Variants in BEND5 observed in about 807,000 individuals in gnomAD.
The protein encoded by BEND5 is BEN domain containing 5.
A neutral mutation model predicts 43.9 loss-of-function variants in BEND5; 22 were observed. The ratio of observed to expected loss-of-function variants is 0.50; its 90% confidence interval spans 0.36 to 0.72. BEND5 has a LOEUF of 0.72. Among genes scored for constraint, BEND5 ranks in the 30% least tolerant of loss-of-function variants. The pLI is 0.00. For missense variants in BEND5, 428 were observed against 550.6 expected (o/e 0.78, Z 2.23); for synonymous variants, 228 against 225.9 (o/e 1.01, Z -0.08).
At chr1:48,776,472 C>A in intron 1 of BEND5, 134 bp downstream of exon 1, 1 of 666,912 alleles carries the variant, frequency 1.5e-6, no homozygotes, top group Non-Finnish European at 2.3e-6. Flanking sequence ...AATGAAATGC[C>A]CAGAGGACGG....
chr1:48,765,085 C>T (rs1194714633), intron 1 of BEND5, among the ~76,000 whole-genome samples: 2 of 151,218 alleles, frequency 1.3e-5, no homozygotes, highest in Non-Finnish European at 3.0e-5. Context: ...TCATCTCCTC[C>T]CTCCCTCTCA....
intron 4 of BEND5, among the ~76,000 whole-genome samples, chr1:48,741,681 C>A (rs1379726263): frequency 5.3e-5 from 8 of 152,204 alleles, no homozygotes. Context: ...CCAAATAAAA[C>A]AAATTTTTCT....
rs1361801455 is a variant in BEND5 at position 48,776,656 on chromosome 1, C to CG, written c.175dup (p.Arg59ProfsTer22). 4.1e-6 allele frequency: 6 copies of CG among 1,480,810 alleles called. No homozygotes were observed. Among genetic ancestry groups the CG allele is most frequent in the African/African-American group, 1.5e-5 (1 of 67,132 alleles). The allele number at this position is 1,480,810 out of a possible 1,614,324, so 91.7% of individuals were successfully genotyped here. A position where few individuals can be genotyped will look rare whatever the true frequency, so the allele number is the denominator to read the frequency against. On this transcript the variant is annotated frameshift_variant, in exon 1 of 6. Transcript: ENST00000371833. LOFTEE classifies it high-confidence loss of function. ...GTGGAGCAACAGCGCGCCCCAGTCG[C>CG]GGGGGGCGCGCGGGGGGCTCTCGGG...
At chr1:48,764,806 T>C (rs1644450932) in intron 1 of BEND5, among the ~76,000 whole-genome samples, 1 of 152,186 alleles carries the variant, frequency 6.6e-6, no homozygotes, top group Admixed American at 6.5e-5. Context: ...TAAATGTTCC[T>C]TGAAAACAAT....
chr1:48,776,666 GC>G lies in BEND5; in HGVS notation c.165del (p.Arg56AlafsTer30). The G allele has an allele frequency of 6.7e-7, 1 of 1,498,410 alleles. No individual in the cohort carries two copies. Among genetic ancestry groups the G allele is most frequent in the Non-Finnish European group, 8.9e-7 (1 of 1,126,678 alleles). The allele number at this position is 1,498,410 out of a possible 1,614,324, so 92.8% of individuals were successfully genotyped here. On this transcript the variant is annotated frameshift_variant, in exon 1 of 6. Transcript: ENST00000371833. LOFTEE classifies it high-confidence loss of function. ...EELGAGPESP[P>X]RAPRDWGALL... is the part of the protein sequence containing the mutation. ...AGCGCGCCCCAGTCGCGGGGGGCGC[GC>G]GGGGGGCTCTCGGGCCCGGCGCCCA...
chr1:48,775,968 T>G (rs901246314), intron 1 of BEND5, among the ~76,000 whole-genome samples: 10 of 152,338 alleles, frequency 6.6e-5, no homozygotes, highest in African/African-American at 2.2e-4. Context: ...TCCTTACCTC[T>G]GCCACCTGGC....
At chr1:48,775,308 T>G (rs555015244) in intron 1 of BEND5, among the ~76,000 whole-genome samples, 1 of 152,192 alleles carries the variant, frequency 6.6e-6, no homozygotes, top group East Asian at 1.9e-4. Context: ...TGCAAACCGA[T>G]TTTTCAGAGG....
chr1:48,762,614 T>TG (rs1644323705), intron 1 of BEND5, among the ~76,000 whole-genome samples: 6 of 75,184 alleles, frequency 8.0e-5, no homozygotes, highest in African/African-American at 2.4e-4. Flanking sequence ...TTTAAGGGTT[T>TG]TGTGTGTGTG....
intron 2 of BEND5, chr1:48,759,495 G>C: frequency 1.0e-6 from 1 of 996,098 alleles, no homozygotes; most frequent in Non-Finnish European, 1.4e-6. Context: ...GTGGGGAAGG[G>C]GCTTGCCCAA....
intron 1 of BEND5, among the ~76,000 whole-genome samples, chr1:48,765,038 T>C (rs1316349435): frequency 1.3e-5 from 2 of 152,214 alleles, no homozygotes; most frequent in Admixed American, 1.3e-4. Context: ...AATGCCCTTC[T>C]TTCTTATGTG....
chr1:48,774,787 C>A (rs1441860384), intron 1 of BEND5, among the ~76,000 whole-genome samples: 1 of 152,138 alleles, frequency 6.6e-6, no homozygotes, highest in African/African-American at 2.4e-5. Context: ...CCTGAAGAGT[C>A]AAGCACAGTG....
At chr1:48,761,221 G>A in intron 2 of BEND5, 116 bp downstream of exon 2, 1 of 1,149,132 alleles carries the variant, frequency 8.7e-7, no homozygotes, top group South Asian at 1.7e-5. Context: ...AAAAATCATA[G>A]CCTGTGATAC....
intron 3 of BEND5, among the ~76,000 whole-genome samples, chr1:48,754,875 G>C (rs1333695663): frequency 6.6e-6 from 1 of 152,134 alleles, no homozygotes; most frequent in Non-Finnish European, 1.5e-5. Flanking sequence ...TGAGGGTCTA[G>C]AGAGAGGCAC....
intron 1 of BEND5, among the ~76,000 whole-genome samples, chr1:48,764,852 G>C (rs191910531): frequency 8.9e-4 from 136 of 152,328 alleles, no homozygotes; most frequent in Middle Eastern, 6.8e-3. Flanking sequence ...GCGGATGACA[G>C]AGCTCAGCAA....
At chr1:48,748,814 G>A (rs1224568903) in intron 3 of BEND5, among the ~76,000 whole-genome samples, 1 of 152,102 alleles carries the variant, frequency 6.6e-6, no homozygotes, top group Non-Finnish European at 1.5e-5. Context: ...GGGAGGTGGG[G>A]GAGTAGTGAG....
intron 4 of BEND5, among the ~76,000 whole-genome samples, chr1:48,740,298 G>C (rs1298376944): frequency 6.6e-6 from 1 of 152,200 alleles, no homozygotes. Flanking sequence ...AGACTGGTGA[G>C]AGTACTGGCC....
rs150997905 is a variant in BEND5, at chr1:48,757,762, T to C, written c.745+1138A>G. ...AAGCTTCATATCTAAATATATTATC[T>C]AGATAATGAAAACCTTCACAAGGGC... On this transcript the variant is annotated intron_variant, in intron 3 of 5. Transcript: ENST00000371833. Among the ~76,000 whole-genome samples the C allele has an allele frequency of 2.2e-4, 33 of 152,326 alleles. No homozygotes were observed. The East Asian group carries it at 5.8e-3, about 27-fold the overall frequency.
At chr1:48,730,665 A>G (rs1221650602) in intron 5 of BEND5, among the ~76,000 whole-genome samples, 1 of 152,172 alleles carries the variant, frequency 6.6e-6, no homozygotes, top group Non-Finnish European at 1.5e-5. Flanking sequence ...CACTGAACGA[A>G]AAGCTTCTCA....
intron 1 of BEND5, among the ~76,000 whole-genome samples, chr1:48,773,067 G>T (rs1014076409): frequency 2.0e-5 from 3 of 152,138 alleles, no homozygotes; most frequent in Non-Finnish European, 4.4e-5. Flanking sequence ...TACCTGAGAT[G>T]CATAGGTGCA....
Sources: gnomAD v4.1 joint callset for allele counts (sites outside exome capture counted in the v4.1 genomes callset) on GRCh38, gnomAD v4.1.1 for gene constraint, MANE v1.5 for transcripts, NCBI Gene and HGNC (gene_info 2026-07-23, HGNC 2026-07-21) for gene names.